ZFHX3: variants seen among roughly 807,000 people sequenced by gnomAD.
ZFHX3 encodes the protein zinc finger homeobox 3, also known as zinc finger homeobox protein 3.
A neutral mutation model predicts 279.1 loss-of-function variants in ZFHX3; 42 were observed. That is an observed-to-expected ratio of 0.15 (90% CI 0.12 to 0.19). The LOEUF (loss-of-function observed/expected upper bound fraction) is 0.19. Among genes scored for constraint, ZFHX3 ranks in the 10% least tolerant of loss-of-function variants. The pLI is 1.00. For synonymous variants in ZFHX3, 2,293 were observed against 1,957.8 expected (o/e 1.17, Z -4.52); for missense variants, 4,981 against 4,754.0 (o/e 1.05, Z -1.40).
intron 1 of ZFHX3, among the ~76,000 whole-genome samples, chr16:73,845,146 C>T (rs1961415968): frequency 6.6e-6 from 1 of 152,084 alleles, no homozygotes; most frequent in African/African-American, 2.4e-5. Context: ...TTTGAAATAA[C>T]TGAAGGAACT....
chr16:73,087,712 A>G (rs1039697245), intron 8 of ZFHX3, among the ~76,000 whole-genome samples: 5 of 152,168 alleles, frequency 3.3e-5, no homozygotes, highest in Non-Finnish European at 7.3e-5. Context: ...GGAGTCAAGG[A>G]TAGTGTCCCC....
At chr16:73,183,282 T>A (rs1300783569) in intron 5 of ZFHX3, among the ~76,000 whole-genome samples, 1 of 152,164 alleles carries the variant, frequency 6.6e-6, no homozygotes, top group African/African-American at 2.4e-5. Flanking sequence ...CCAGACTTCA[T>A]CACTGTGTGA....
At chr16:72,916,182 T>G (rs1365255334) in intron 3 of ZFHX3, among the ~76,000 whole-genome samples, 1 of 152,098 alleles carries the variant, frequency 6.6e-6, no homozygotes. Flanking sequence ...TTCCCCCCCC[T>G]CCTCCGCCTT....
intron 5 of ZFHX3, among the ~76,000 whole-genome samples, chr16:73,215,878 C>CGT (rs148879993): frequency 6.6e-6 from 1 of 151,510 alleles, no homozygotes; most frequent in Non-Finnish European, 1.5e-5. Context: ...TGTGCATGGA[C>CGT]GTGTGTGTGT....
chr16:72,945,925 C>T (rs181548132), intron 3 of ZFHX3, among the ~76,000 whole-genome samples: 3 of 152,146 alleles, frequency 2.0e-5, no homozygotes, highest in Admixed American at 6.5e-5. Context: ...CCCCCCAGCA[C>T]ACCCACAGAG....
intron 2 of ZFHX3, among the ~76,000 whole-genome samples, chr16:73,517,083 C>T (rs756137843): frequency 6.6e-6 from 1 of 152,180 alleles, no homozygotes; most frequent in Non-Finnish European, 1.5e-5. Context: ...ACAAATCCAT[C>T]AGGCTGAGCG....
intron 3 of ZFHX3, among the ~76,000 whole-genome samples, chr16:73,370,579 C>T (rs1016937728): frequency 4.6e-5 from 7 of 152,154 alleles, no homozygotes; most frequent in African/African-American, 9.7e-5. Context: ...CCCCATAACA[C>T]GATGCAAGCT....
chr16:73,330,813 C>T (rs1188007357), intron 3 of ZFHX3, among the ~76,000 whole-genome samples: 2 of 152,164 alleles, frequency 1.3e-5, no homozygotes, highest in Non-Finnish European at 2.9e-5. Context: ...TGATGATTTT[C>T]CCAGTGGTCT....
At chr16:73,485,396 G>A (rs1271203138) in intron 2 of ZFHX3, among the ~76,000 whole-genome samples, 1 of 136,188 alleles carries the variant, frequency 7.3e-6, no homozygotes. Context: ...TTTCAAGTCT[G>A]TTTCAAGGTA....
At chr16:73,859,291 G>A (rs1047540456) in intron 1 of ZFHX3, among the ~76,000 whole-genome samples, 3 of 152,180 alleles carry the variant, frequency 2.0e-5, no homozygotes, top group Non-Finnish European at 4.4e-5. Flanking sequence ...ATCTTGTTAT[G>A]TTACCCGGCT....
At chr16:73,062,674 C>T (rs925637132), upstream of ZFHX3, among the ~76,000 whole-genome samples, 3 of 151,288 alleles carry the variant, frequency 2.0e-5, no homozygotes, top group African/African-American at 7.3e-5. Context: ...AAGCCTAGCT[C>T]TGGGCCCTGG....
intron 2 of ZFHX3, among the ~76,000 whole-genome samples, chr16:73,622,477 G>A (rs1291218419): frequency 6.6e-6 from 1 of 152,114 alleles, no homozygotes; most frequent in Non-Finnish European, 1.5e-5. Context: ...TGGGAGAATG[G>A]TGTGAACCGG....
chr16:73,495,135 TATGAC>T (rs1280906838), intron 2 of ZFHX3, among the ~76,000 whole-genome samples: 5 of 152,234 alleles, frequency 3.3e-5, no homozygotes, highest in Admixed American at 1.3e-4. Context: ...GATTGATACT[TATGAC>T]TGGCTGGCAG....
intron 4 of ZFHX3, among the ~76,000 whole-genome samples, chr16:72,889,503 AAAGAAG>A (rs1203890982): frequency 1.3e-5 from 2 of 149,834 alleles, no homozygotes; most frequent in Non-Finnish European, 3.0e-5. Context: ...AAAAAAAAAA[AAAGAAG>A]AAGAAGAAGA....
At chr16:73,197,842 A>G (rs1330265904) in intron 5 of ZFHX3, among the ~76,000 whole-genome samples, 2 of 151,734 alleles carry the variant, frequency 1.3e-5, no homozygotes, top group Non-Finnish European at 2.9e-5. Context: ...TTTCAGGTAT[A>G]AAAGATGCTT....
intron 3 of ZFHX3, among the ~76,000 whole-genome samples, chr16:72,893,085 G>A (rs1373238119): frequency 1.3e-5 from 2 of 152,202 alleles, no homozygotes; most frequent in Non-Finnish European, 1.5e-5. Flanking sequence ...CTGGAAACCT[G>A]TAAGGGAGCC....
chr16:72,976,475 C>T (rs1415685279), intron 1 of ZFHX3, among the ~76,000 whole-genome samples: 2 of 152,312 alleles, frequency 1.3e-5, no homozygotes, highest in Middle Eastern at 3.4e-3. Flanking sequence ...TTTATTCATT[C>T]GTGCCACAAT....
At chr16:73,135,304 C>G (rs761536945) in intron 6 of ZFHX3, among the ~76,000 whole-genome samples, 3 of 152,166 alleles carry the variant, frequency 2.0e-5, no homozygotes, top group African/African-American at 7.2e-5. Context: ...AGTTCATTCA[C>G]CAGCTCAATA....
intron 1 of ZFHX3, among the ~76,000 whole-genome samples, chr16:73,843,690 T>G (rs1001248476): frequency 4.6e-5 from 7 of 152,348 alleles, no homozygotes; most frequent in South Asian, 2.1e-4. Context: ...TACCCTGTAT[T>G]TTTTAATCAG....
Sources: allele counts gnomAD v4.1 joint callset (sites outside exome capture counted in the v4.1 genomes callset), GRCh38; gene constraint gnomAD v4.1.1; transcripts MANE v1.5; gene names NCBI Gene and HGNC (gene_info 2026-07-23, HGNC 2026-07-21).